The following FOXI3 variants were observed in gnomAD, a reference collection of about 807,000 sequenced individuals.
FOXI3 encodes forkhead box I3.
Under a neutral mutation model 15.6 loss-of-function variants are expected in FOXI3, and 4 were observed. The ratio of observed to expected loss-of-function variants is 0.26; its 90% CI spans 0.13 to 0.59. The LOEUF is 0.59. FOXI3 is among the 20% of genes least tolerant of loss of function. FOXI3 has a pLI of 0.90. For missense variants in FOXI3, 489 were observed against 548.2 expected (o/e 0.89, Z 1.08); for synonymous variants, 238 against 244.4 (o/e 0.97, Z 0.25).
intron 1 of FOXI3, among the ~76,000 whole-genome samples, chr2:88,450,160 C>CGG (rs3079282): frequency 0.68 from 103,748 of 151,666 alleles, 36,851 homozygotes; most frequent in African/African-American, 0.89. Context: ...TTGCTGGGCG[C>CGG]TGGCTCACGC....
chr2:88,450,667 T>C (rs890292861), intron 1 of FOXI3, among the ~76,000 whole-genome samples: 1 of 152,140 alleles, frequency 6.6e-6, no homozygotes, highest in Non-Finnish European at 1.5e-5. Flanking sequence ...ACAATTTACA[T>C]GATAATCTTG....
Position 88,452,038 on chromosome 2 carries a change from G to A in FOXI3, c.498C>T (p.Leu166=), listed in dbSNP as rs1285271338. 1.9e-6 allele frequency: 3 copies of A among 1,600,262 alleles called. No homozygotes were observed. The South Asian group carries it at 3.4e-5, about 18-fold the overall frequency. ...MAIQSAPERK[L]TLSHIYQFVA... is the part of the protein sequence containing the mutation. Reference sequence around the variant, plus strand: ...CGAACTGGTAGATGTGGCTGAGAGTGAGTTTGCGCTCGGGCGCGCTCTGAA... The same window carrying A: ...CGAACTGGTAGATGTGGCTGAGAGTAAGTTTGCGCTCGGGCGCGCTCTGAA... The change falls in exon 1 of 2, where the codon CTC becomes CTT. Residue 166 remains leucine (L), a synonymous_variant. Coordinates refer to ENST00000428390, the MANE Select transcript of FOXI3 (RefSeq NM_001135649.3).
Position 88,448,017 on chromosome 2 carries a change from T to C in FOXI3, c.*190A>G. 3 of 599,698 alleles carry C rather than the reference T, an allele frequency of 5.0e-6. No homozygotes were observed. Among genetic ancestry groups the C allele is most frequent in the Non-Finnish European group, 8.8e-6 (3 of 341,972 alleles). The allele number at this position is 599,698 out of a possible 1,614,324, so 37.1% of individuals were successfully genotyped here. ...TGCAGAGAAACCTGTAAAAGCTCGC[T>C]GGGTTGTAGCAAGAGTTATCTACTA... On this transcript the variant is annotated 3_prime_UTR_variant, in exon 2 of 2. Coordinates refer to ENST00000428390, the MANE Select transcript of FOXI3 (RefSeq NM_001135649.3).
chr2:88,449,128 C>G (rs1675998451), intron 1 of FOXI3, among the ~76,000 whole-genome samples: 1 of 151,688 alleles, frequency 6.6e-6, no homozygotes, highest in Admixed American at 6.6e-5. Context: ...TTCACTAATT[C>G]TAGATCCAAA....
intron 1 of FOXI3, among the ~76,000 whole-genome samples, chr2:88,451,208 C>T (rs1454034138): frequency 6.6e-6 from 1 of 152,192 alleles, no homozygotes; most frequent in Non-Finnish European, 1.5e-5. Context: ...CACAGACCTC[C>T]TCACTCCAGG....
Position 88,448,809 on chromosome 2 carries a change from G to A in FOXI3, c.661C>T (p.Leu221Phe). The change falls in exon 2 of 2, where the codon CTT becomes TTT. Residue 221 changes from leucine (L) to phenylalanine (F), a missense_variant. Coordinates refer to ENST00000428390, the MANE Select transcript of FOXI3 (RefSeq NM_001135649.3). ...AACATTTTCTCGCAGTTCGGATCAA[G>A]AGTCCAATAATTACCCTTTCCTGAG... ...DDPGKGNYWT[L>F]DPNCEKMFDN... 2 of 1,551,480 alleles carry A rather than the reference G, an allele frequency of 1.3e-6. No homozygotes were observed. The highest frequency in any genetic ancestry group is 1.7e-6 in the Non-Finnish European group (2 of 1,146,840).
At position 88,452,173 on chromosome 2, in the gene FOXI3, G is replaced by A. The variant is rs750392158; in HGVS notation, c.363C>T (p.Ala121=). ...QPAPAAPASP[A]APAGPGELGW... ...CCAGCTCCCCGGGCCCCGCGGGCGC[G>A]GCGGGCGAGGCGGGCGCGGCGGGCG... Residue 121 remains alanine (A), a synonymous_variant, in exon 1 of 2, where the codon GCC becomes GCT. Transcript: ENST00000428390. The A allele has an allele frequency of 7.8e-7, 1 of 1,280,568 alleles. No individual in the cohort carries two copies. 79.3% of individuals were successfully genotyped at this position (1,280,568 alleles called of 1,614,324 possible).
chr2:88,448,228 G>A lies in FOXI3; in HGVS notation c.1242C>T (p.Pro414=), dbSNP rs1321096880. The A allele has an allele frequency of 6.4e-7, 1 of 1,551,596 alleles. No individual in the cohort carries two copies. The highest frequency in any genetic ancestry group is 8.7e-7 in the Non-Finnish European group (1 of 1,146,974). ...NFSMVNSLIY[P]REGSEV ...TGCTCTACACCTCGGAGCCCTCTCG[G>A]GGGTAGATGAGGCTGTTCACCATGC... is the stretch of plus-strand genomic sequence containing the variant. Residue 414 remains proline, a synonymous_variant, in exon 2 of 2, where the codon CCC becomes CCT. Coordinates refer to ENST00000428390, the MANE Select transcript of FOXI3 (RefSeq NM_001135649.3).
In FOXI3 at chr2:88,448,220, C is replaced by A. The variant is rs192295747; in HGVS notation, c.1250G>T (p.Gly417Val). Reference protein sequence around the residue: ...MVNSLIYPREGSEV With the variant: ...MVNSLIYPREVSEV ...TGAGAGTCTGCTCTACACCTCGGAGCCCTCTCGGGGGTAGATGAGGCTGTT... is the reference window on the plus strand; with the variant it reads ...TGAGAGTCTGCTCTACACCTCGGAGACCTCTCGGGGGTAGATGAGGCTGTT... The change falls in exon 2 of 2, where the codon GGC becomes GTC. Residue 417 changes from glycine to valine, a missense_variant. By Grantham distance (109) the Gly-to-Val change is moderately radical. Coordinates refer to ENST00000428390, the MANE Select transcript of FOXI3 (RefSeq NM_001135649.3). The A allele has an allele frequency of 1.3e-6, 2 of 1,551,420 alleles. No individual in the cohort carries two copies.
At chr2:88,449,741 T>C (rs1676010133) in intron 1 of FOXI3, among the ~76,000 whole-genome samples, 1 of 152,224 alleles carries the variant, frequency 6.6e-6, no homozygotes, top group African/African-American at 2.4e-5. Context: ...AAGAATCCGA[T>C]GTTTTAAAGT....
rs1214054557 is a variant in FOXI3 at position 88,446,891 on chromosome 2, T to G, written c.*1316A>C. On this transcript the variant is annotated 3_prime_UTR_variant, in exon 2 of 2. Transcript: ENST00000428390. ...CTTATAACTGGCTATGGAGGCTGGT[T>G]TCTTGGTTTTGCAGGAAGTAGAATA... 1 of 152,192 alleles carries G rather than the reference T, an allele frequency of 6.6e-6. No individual in the cohort carries two copies. Among genetic ancestry groups the G allele is most frequent in the Non-Finnish European group, 1.5e-5 (1 of 68,042 alleles). The allele number at this position is 152,192 out of a possible 1,614,324, so 9.4% of individuals were successfully genotyped here. A position where few individuals can be genotyped will look rare whatever the true frequency, so the allele number is the denominator to read the frequency against.
chr2:88,449,149 T>C (rs1253514470), intron 1 of FOXI3, among the ~76,000 whole-genome samples: 1 of 152,080 alleles, frequency 6.6e-6, no homozygotes, highest in Non-Finnish European at 1.5e-5. Context: ...TTGTATGACC[T>C]TGCAAAGTCA....
chr2:88,449,852 A>T (rs752570049), intron 1 of FOXI3, among the ~76,000 whole-genome samples: 4 of 152,180 alleles, frequency 2.6e-5, no homozygotes, highest in Non-Finnish European at 5.9e-5. Flanking sequence ...TCCACTTTTC[A>T]GATAGGAGAA....
At position 88,448,348 on chromosome 2, in the gene FOXI3, A is replaced by G; in HGVS notation, c.1122T>C (p.Asn374=). The G allele has an allele frequency of 6.4e-7, 1 of 1,551,516 alleles. No homozygotes were observed. The highest frequency in any genetic ancestry group is 2.0e-5 in the Admixed American group (1 of 50,988). The change falls in exon 2 of 2, where the codon AAT becomes AAC. Residue 374 remains asparagine (N), a synonymous_variant. Transcript: ENST00000428390. The stretch of plus-strand genomic sequence containing the variant: ...AATAGGAAGATCTCTGGCCGGTGCT[A>G]TTGCTGGTGCTATTGCTCAGTTGCA... ...DTLQLSNSTS[N]STGQRSSYYS...
In FOXI3 at chr2:88,448,686, A is replaced by G; in HGVS notation, c.784T>C (p.Ser262Pro). ...CCCACTCCAGACCCCAATCCTGAGG[A>G]GAGCCCTTCTTCGGACTTTGATGTC... Reference protein sequence around the residue: ...AGTSKSEEGLSSGLGSGVGGK... With the variant: ...AGTSKSEEGLPSGLGSGVGGK... The change falls in exon 2 of 2, where the codon TCC becomes CCC. Residue 262 changes from serine (S) to proline (P), a missense_variant. Ser to Pro is a moderately conservative substitution (Grantham distance 74). Transcript: ENST00000428390. 1 of 1,551,850 alleles carries G rather than the reference A, an allele frequency of 6.4e-7. No homozygotes were observed. The highest frequency in any genetic ancestry group is 1.2e-5 in the South Asian group (1 of 84,068).
rs544018503 is a variant in FOXI3 at position 88,448,706 on chromosome 2, G to A, written c.764C>T (p.Ser255Leu). ...TGAGGAGAGCCCTTCTTCGGACTTT[G>A]ATGTCCCAGCAGCCACTGTGGAGCC... ...SNGSTVAAGT[S>L]KSEEGLSSGL... Residue 255 changes from serine to leucine, a missense_variant, in exon 2 of 2, where the codon TCA becomes TTA. By Grantham distance (145) the Ser-to-Leu change is moderately radical. This residue lies in a region of FOXI3 where 263 missense variants were observed against 285.5 expected (regional missense o/e 0.92). Coordinates refer to ENST00000428390, the MANE Select transcript of FOXI3 (RefSeq NM_001135649.3). 17 of 1,551,804 alleles carry A rather than the reference G, an allele frequency of 1.1e-5. No individual in the cohort carries two copies. In the East Asian group the frequency reaches 3.7e-4, roughly 33 times the overall value.
Position 88,448,240 on chromosome 2 carries a change from G to T in FOXI3, c.1230C>A (p.Ser410Arg). 1 of 1,551,638 alleles carries T rather than the reference G, an allele frequency of 6.4e-7. No individual in the cohort carries two copies. The highest frequency in any genetic ancestry group is 8.7e-7 in the Non-Finnish European group (1 of 1,146,978). ...SPFHNFSMVNSLIYPREGSEV is the reference protein window; with the variant it reads ...SPFHNFSMVNRLIYPREGSEV ...CGGAGCCCTCTCGGGGGTAGATGAG[G>T]CTGTTCACCATGCTAAAGTTGTGGA... The change falls in exon 2 of 2, where the codon AGC (serine) becomes AGA (arginine). Residue 410 changes from serine (S) to arginine (R), a missense_variant. Ser to Arg is a moderately radical substitution (Grantham distance 110). Transcript: ENST00000428390.
chr2:88,449,858 G>A (rs913654796), intron 1 of FOXI3, among the ~76,000 whole-genome samples: 11 of 152,128 alleles, frequency 7.2e-5, no homozygotes, highest in Admixed American at 4.6e-4. Context: ...TTTCAGATAG[G>A]AGAACTGGGG....
Position 88,452,314 on chromosome 2 carries a change from C to CGCGGCG in FOXI3, c.216_221dup (p.Ala73_Ala74dup), listed in dbSNP as rs1454856848. 1.0e-6 allele frequency: 1 copy of CGCGGCG among 981,816 alleles called. No individual in the cohort carries two copies. The highest frequency in any genetic ancestry group is 1.2e-6 in the Non-Finnish European group (1 of 829,100). The allele number at this position is 981,816 out of a possible 1,614,324, so 60.8% of individuals were successfully genotyped here. A position where few individuals can be genotyped will look rare whatever the true frequency, so the allele number is the denominator to read the frequency against. ...GCGGCGGCGGCGGAGCGCCCAGGTA[C>CGCGGCG]GCGGCGGCGGCTGCGGCGGCGGCGG... On this transcript the variant is annotated inframe_insertion, in exon 1 of 2. Coordinates refer to ENST00000428390, the MANE Select transcript of FOXI3 (RefSeq NM_001135649.3).
Sources: allele counts gnomAD v4.1 joint callset (sites outside exome capture counted in the v4.1 genomes callset), GRCh38; gene constraint gnomAD v4.1.1; regional missense constraint gnomAD v4.1.1; transcripts MANE v1.5; gene names NCBI Gene and HGNC (gene_info 2026-07-23, HGNC 2026-07-21).